EPHA6: variants seen among roughly 807,000 people sequenced by gnomAD.
EPHA6 encodes the protein EPH receptor A6.
EPHA6 carries 50 observed loss-of-function variants against 112.0 expected under a neutral mutation model. That is an observed-to-expected ratio of 0.45 (90% CI 0.36 to 0.56). The LOEUF (loss-of-function observed/expected upper bound fraction) is 0.56, where lower values mean the gene tolerates loss of function less well. Among genes scored for constraint, EPHA6 ranks in the 20% least tolerant of loss-of-function variants. The pLI is 0.00. For synonymous variants in EPHA6, 529 were observed against 490.7 expected, an observed-to-expected ratio of 1.08 and a Z score of -1.03; for missense variants, 1,280 against 1,417.4, an observed-to-expected ratio of 0.90 and a Z score of 1.56.
intron 2 of EPHA6, among the ~76,000 whole-genome samples, chr3:96,926,810 G>T (rs1376912655): frequency 2.0e-5 from 3 of 152,224 alleles, no homozygotes; most frequent in Admixed American, 6.5e-5. Context: ...TGGTTTTATG[G>T]CTGACCCTGT....
At chr3:96,815,037 G>C (rs777442407) in intron 1 of EPHA6, 29 bp downstream of exon 1, 3 of 1,477,796 alleles carry the variant, frequency 2.0e-6, no homozygotes, top group Non-Finnish European at 2.7e-6. Context: ...GAGCGGGAGT[G>C]GGTGGGAGGA....
intron 5 of EPHA6, among the ~76,000 whole-genome samples, chr3:97,275,957 A>C (rs1021744937): frequency 1.5e-4 from 23 of 152,124 alleles, no homozygotes; most frequent in African/African-American, 5.6e-4. Context: ...TCGACCTAAT[A>C]AGGGAGCTGG....
intron 3 of EPHA6, among the ~76,000 whole-genome samples, chr3:97,154,503 C>G (rs558893155): frequency 1.3e-5 from 2 of 152,188 alleles, no homozygotes; most frequent in South Asian, 4.1e-4. Context: ...TTTCAAATCT[C>G]TCTTGGAAAT....
intron 1 of EPHA6, among the ~76,000 whole-genome samples, chr3:96,857,866 A>C (rs1482711381): frequency 6.6e-6 from 1 of 152,114 alleles, no homozygotes; most frequent in Non-Finnish European, 1.5e-5. Flanking sequence ...TCTCCTCAGA[A>C]TGTATATTAT....
chr3:96,839,448 A>G (rs539343175), intron 1 of EPHA6, among the ~76,000 whole-genome samples: 3 of 152,170 alleles, frequency 2.0e-5, no homozygotes, highest in South Asian at 2.1e-4. Flanking sequence ...TCTGTCATCC[A>G]TGGGAAAATT....
rs771183980 is a variant in EPHA6, at chr3:97,610,789, G to A, written c.2513-4G>A. Reference sequence around the variant, plus strand: ...TCCATGTGTATTCTCTTGCTCTTTTGCAGGCAGACCAGTAATGATTGTGGT... The same window carrying A: ...TCCATGTGTATTCTCTTGCTCTTTTACAGGCAGACCAGTAATGATTGTGGT... On this transcript the variant is annotated splice_region_variant and splice_polypyrimidine_tract_variant and intron_variant, in intron 12 of 17. Transcript: ENST00000389672. The A allele has an allele frequency of 1.9e-6, 3 of 1,610,614 alleles. No individual in the cohort carries two copies. The highest frequency in any genetic ancestry group is 2.5e-6 in the Non-Finnish European group (3 of 1,177,762).
At chr3:96,952,891 T>A (rs894523509) in intron 2 of EPHA6, among the ~76,000 whole-genome samples, 1 of 152,004 alleles carries the variant, frequency 6.6e-6, no homozygotes, top group Non-Finnish European at 1.5e-5. Context: ...GGGAGAGGAT[T>A]AGGAAAAACA....
chr3:97,643,427 A>G (rs545938406), intron 14 of EPHA6, among the ~76,000 whole-genome samples: 3 of 152,250 alleles, frequency 2.0e-5, no homozygotes, highest in South Asian at 2.1e-4. Flanking sequence ...ATAGGATCAA[A>G]TTCACACATA....
At chr3:97,534,146 C>T (rs778640806) in intron 11 of EPHA6, among the ~76,000 whole-genome samples, 10 of 152,154 alleles carry the variant, frequency 6.6e-5, no homozygotes, top group Non-Finnish European at 1.5e-4. Context: ...TTTACTTCCA[C>T]ATCTGTAAAA....
At chr3:97,143,534 G>A (rs2075962987) in intron 3 of EPHA6, among the ~76,000 whole-genome samples, 1 of 151,708 alleles carries the variant, frequency 6.6e-6, no homozygotes, top group South Asian at 2.1e-4. Context: ...TTTTCCAAAT[G>A]TTGGTCAGAA....
At chr3:97,115,745 C>T (rs1184168055) in intron 3 of EPHA6, among the ~76,000 whole-genome samples, 1 of 151,756 alleles carries the variant, frequency 6.6e-6, no homozygotes, top group Non-Finnish European at 1.5e-5. Context: ...TGCATACACT[C>T]ATTTAATATT....
intron 1 of EPHA6, among the ~76,000 whole-genome samples, chr3:96,820,288 G>A (rs1166068831): frequency 1.3e-5 from 2 of 151,976 alleles, no homozygotes; most frequent in African/African-American, 2.4e-5. Context: ...TCTATAGGGA[G>A]GTTTTGACCA....
chr3:96,844,839 A>G (rs2034976210), intron 1 of EPHA6, among the ~76,000 whole-genome samples: 1 of 152,016 alleles, frequency 6.6e-6, no homozygotes, highest in Non-Finnish European at 1.5e-5. Flanking sequence ...TGAAATAAAA[A>G]GTCAACCAGG....
intron 4 of EPHA6, 94 bp from the exon 5 acceptor site, chr3:97,243,858 A>G (rs1265343441): frequency 1.1e-6 from 1 of 930,370 alleles, no homozygotes; most frequent in Non-Finnish European, 1.6e-6. Flanking sequence ...CTAACATAAA[A>G]GAGCAACAAG....
At chr3:97,331,388 T>C (rs1005892548) in intron 5 of EPHA6, among the ~76,000 whole-genome samples, 2 of 151,494 alleles carry the variant, frequency 1.3e-5, no homozygotes, top group African/African-American at 4.9e-5. Flanking sequence ...AGGCAAGAAA[T>C]AACTAAGAAA....
chr3:96,884,197 T>C (rs1311357611), intron 2 of EPHA6, among the ~76,000 whole-genome samples: 2 of 152,184 alleles, frequency 1.3e-5, no homozygotes, highest in Non-Finnish European at 2.9e-5. Flanking sequence ...GCTTTGGCTA[T>C]GTGCGCTCTT....
chr3:97,585,994 T>G (rs563377386), intron 11 of EPHA6, among the ~76,000 whole-genome samples: 1 of 152,370 alleles, frequency 6.6e-6, no homozygotes, highest in African/African-American at 2.4e-5. Context: ...TAAGCCAAAT[T>G]GAAAATTAGC....
intron 6 of EPHA6, among the ~76,000 whole-genome samples, chr3:97,411,481 C>G (rs147569347): frequency 3.2e-4 from 49 of 152,122 alleles, no homozygotes; most frequent in African/African-American, 1.1e-3. Context: ...AAAAGTTATT[C>G]TATCTTTGGT....
intron 5 of EPHA6, among the ~76,000 whole-genome samples, chr3:97,264,161 G>A (rs1292411728): frequency 6.6e-6 from 1 of 152,234 alleles, no homozygotes; most frequent in East Asian, 1.9e-4. Context: ...GGCCTGTGGT[G>A]CCTTTGCCCA....
Sources: gnomAD v4.1 joint callset for allele counts (sites outside exome capture counted in the v4.1 genomes callset) on GRCh38, gnomAD v4.1.1 for gene constraint, MANE v1.5 for transcripts, NCBI Gene and HGNC (gene_info 2026-07-23, HGNC 2026-07-21) for gene names.